GALNT17: variants seen among roughly 807,000 people sequenced by gnomAD.
The protein encoded by GALNT17 is UDP-GalNAc:polypeptide N-acetylgalactosaminyltransferase-like 3.
A neutral mutation model predicts 63.7 loss-of-function variants in GALNT17; 29 were observed. That is an observed-to-expected ratio of 0.46 (90% CI 0.34 to 0.62). GALNT17 has a LOEUF of 0.62. Among genes scored for constraint, GALNT17 ranks in the 20% least tolerant of loss-of-function variants. The pLI is 0.01. For missense variants in GALNT17, 603 were observed against 799.6 expected, an observed-to-expected ratio of 0.75 and a Z score of 2.97; for synonymous variants, 305 against 318.3, an observed-to-expected ratio of 0.96 and a Z score of 0.45.
At chr7:71,273,891 CAGAA>C (rs1790637870) in intron 1 of GALNT17, among the ~76,000 whole-genome samples, 1 of 151,922 alleles carries the variant, frequency 6.6e-6, no homozygotes, top group Non-Finnish European at 1.5e-5. Flanking sequence ...GAGAGACACA[CAGAA>C]AGAGAATGTG....
intron 1 of GALNT17, among the ~76,000 whole-genome samples, chr7:71,233,381 T>C (rs1404903970): frequency 2.0e-5 from 3 of 152,210 alleles, no homozygotes; most frequent in East Asian, 3.8e-4. Context: ...TCGTGTCTTC[T>C]GTTCTGAAGG....
At chr7:71,234,814 A>G (rs190150334) in intron 1 of GALNT17, among the ~76,000 whole-genome samples, 44 of 152,174 alleles carry the variant, frequency 2.9e-4, no homozygotes, top group Admixed American at 1.0e-3. Flanking sequence ...GAATTTGGGG[A>G]CTGGAGATTT....
chr7:71,490,276 A>G (rs189556903), intron 5 of GALNT17, among the ~76,000 whole-genome samples: 1 of 151,082 alleles, frequency 6.6e-6, no homozygotes, highest in East Asian at 1.9e-4. Context: ...AAAAAGAAGC[A>G]TGATCTGGAA....
At chr7:71,162,334 T>C (rs531110908) in intron 1 of GALNT17, among the ~76,000 whole-genome samples, 16 of 150,436 alleles carry the variant, frequency 1.1e-4, no homozygotes, top group African/African-American at 4.0e-4. Context: ...TGGCTAACTA[T>C]GGAAGGCCTT....
At chr7:71,314,453 A>C (rs919766476) in intron 1 of GALNT17, among the ~76,000 whole-genome samples, 4 of 152,188 alleles carry the variant, frequency 2.6e-5, no homozygotes, top group East Asian at 3.9e-4. Flanking sequence ...GCAAGAGGTC[A>C]AGGCCTTTCA....
intron 5 of GALNT17, among the ~76,000 whole-genome samples, chr7:71,508,914 TC>T (rs1788308202): frequency 6.6e-6 from 1 of 152,122 alleles, no homozygotes; most frequent in African/African-American, 2.4e-5. Context: ...GTGCGTGCGC[TC>T]GTGTGCATGT....
intron 5 of GALNT17, among the ~76,000 whole-genome samples, chr7:71,492,140 G>A (rs6964130): frequency 3.9e-5 from 6 of 152,226 alleles, no homozygotes; most frequent in African/African-American, 1.2e-4. Flanking sequence ...TTAGTCGGGC[G>A]TGGTGGCACA....
intron 1 of GALNT17, among the ~76,000 whole-genome samples, chr7:71,327,454 G>A (rs565735057): frequency 1.3e-5 from 2 of 152,096 alleles, no homozygotes; most frequent in African/African-American, 2.4e-5. Flanking sequence ...AACTGCCCCC[G>A]TGATTCAGTT....
chr7:71,378,653 T>C (rs1240737441), intron 2 of GALNT17, among the ~76,000 whole-genome samples: 1 of 151,988 alleles, frequency 6.6e-6, no homozygotes, highest in Non-Finnish European at 1.5e-5. Flanking sequence ...TCAGTAACCA[T>C]TTATCTGCCA....
chr7:71,185,185 C>T (rs1393584037), intron 1 of GALNT17, among the ~76,000 whole-genome samples: 1 of 140,436 alleles, frequency 7.1e-6, no homozygotes, highest in East Asian at 2.3e-4. Flanking sequence ...TCCTTCCTCT[C>T]TCTGTCTCTC....
chr7:71,627,729 T>C (rs116554919), intron 6 of GALNT17, among the ~76,000 whole-genome samples: 1 of 152,172 alleles, frequency 6.6e-6, no homozygotes, highest in African/African-American at 2.4e-5. Context: ...ACAAGGGAAA[T>C]AAAAGAAAGG....
At chr7:71,201,241 T>TTTTATATATATATATATA (rs1789163354) in intron 1 of GALNT17, among the ~76,000 whole-genome samples, 1 of 138,376 alleles carries the variant, frequency 7.2e-6, no homozygotes, top group African/African-American at 2.8e-5. Context: ...GTGTTTATTT[T>TTTTATATATATATATATA]TATATATATA....
intron 5 of GALNT17, among the ~76,000 whole-genome samples, chr7:71,521,341 A>G (rs1355062545): frequency 6.6e-6 from 1 of 152,076 alleles, no homozygotes; most frequent in African/African-American, 2.4e-5. Context: ...GGTCTGCCCA[A>G]TCTAAAGGCC....
At chr7:71,401,222 G>C (rs549437355) in intron 3 of GALNT17, among the ~76,000 whole-genome samples, 4 of 150,922 alleles carry the variant, frequency 2.7e-5, no homozygotes, top group Non-Finnish European at 4.4e-5. Context: ...TCAGCCTCCC[G>C]AGTAGCTGCA....
intron 6 of GALNT17, among the ~76,000 whole-genome samples, chr7:71,646,111 C>T (rs1481334392): frequency 6.6e-6 from 1 of 152,182 alleles, no homozygotes; most frequent in Non-Finnish European, 1.5e-5. Context: ...AGTTCCTAGG[C>T]TCTGATACAC....
intron 9 of GALNT17, among the ~76,000 whole-genome samples, chr7:71,705,701 C>T (rs1791713785): frequency 6.6e-6 from 1 of 152,142 alleles, no homozygotes. Flanking sequence ...TAAAGCAGCA[C>T]ATACATCCAG....
At chr7:71,185,711 G>A (rs1788838205) in intron 1 of GALNT17, among the ~76,000 whole-genome samples, 1 of 151,902 alleles carries the variant, frequency 6.6e-6, no homozygotes, top group African/African-American at 2.4e-5. Flanking sequence ...GTTTCACCGT[G>A]TTAGCCAGGA....
chr7:71,614,764 GAGAA>G (rs1360685934), intron 6 of GALNT17, among the ~76,000 whole-genome samples: 2 of 147,810 alleles, frequency 1.4e-5, no homozygotes, highest in African/African-American at 2.5e-5. Flanking sequence ...GAAACAGAAA[GAGAA>G]AGAAACAGAG....
intron 6 of GALNT17, among the ~76,000 whole-genome samples, chr7:71,605,771 G>A (rs1442576865): frequency 6.6e-6 from 1 of 152,182 alleles, no homozygotes; most frequent in Non-Finnish European, 1.5e-5. Flanking sequence ...TTTCAAGAGA[G>A]AGAATACATA....
Sources: gnomAD v4.1 joint callset for allele counts (sites outside exome capture counted in the v4.1 genomes callset) on GRCh38, gnomAD v4.1.1 for gene constraint, MANE v1.5 for transcripts, NCBI Gene and HGNC (gene_info 2026-07-23, HGNC 2026-07-21) for gene names.